The following ST7L variants were observed in gnomAD, a reference collection of about 807,000 sequenced individuals.
ST7L encodes suppression of tumorigenicity 7 like.
Under a neutral mutation model 72.5 loss-of-function variants are expected in ST7L, and 57 were observed. That is an observed-to-expected ratio of 0.79 (90% confidence interval 0.64 to 0.98). The LOEUF is 0.98. Among genes scored for constraint, ST7L ranks in the 50% least tolerant of loss-of-function variants. The probability of loss-of-function intolerance (pLI) is 0.00; values close to 1 mark genes in which losing one functional copy is unlikely to be tolerated. For missense variants in ST7L, 576 were observed against 672.2 expected (o/e 0.86, Z 1.58); for synonymous variants, 221 against 240.9 (o/e 0.92, Z 0.77).
chr1:112,546,244 G>A (rs1657027583), intron 13 of ST7L, among the ~76,000 whole-genome samples: 1 of 148,766 alleles, frequency 6.7e-6, no homozygotes, highest in Non-Finnish European at 1.5e-5. Context: ...TTTTGAGCCT[G>A]AGAAGTCGAA....
chr1:112,612,362 T>C (rs1669203551), intron 2 of ST7L, among the ~76,000 whole-genome samples: 1 of 152,202 alleles, frequency 6.6e-6, no homozygotes, highest in African/African-American at 2.4e-5. Context: ...CCTCACAAAG[T>C]GCTAGGATTA....
At chr1:112,534,482 CT>C (rs1654872416) in intron 14 of ST7L, among the ~76,000 whole-genome samples, 1 of 152,126 alleles carries the variant, frequency 6.6e-6, no homozygotes. Flanking sequence ...AGTATAATCT[CT>C]TTTAAAAAAT....
intron 11 of ST7L, among the ~76,000 whole-genome samples, chr1:112,571,746 T>C (rs1662187967): frequency 6.6e-6 from 1 of 152,198 alleles, no homozygotes; most frequent in Admixed American, 6.5e-5. Flanking sequence ...TAATGAAGCA[T>C]ACTTTATATA....
intron 11 of ST7L, among the ~76,000 whole-genome samples, chr1:112,572,819 GAAGA>G (rs1442927924): frequency 1.3e-5 from 2 of 152,124 alleles, no homozygotes. Context: ...GGGTATATCA[GAAGA>G]AAGACGAAAA....
intron 1 of ST7L, 151 bp from the exon 2 acceptor site, chr1:112,617,046 A>T (rs958541671): frequency 1.4e-5 from 7 of 486,906 alleles, no homozygotes; most frequent in South Asian, 8.3e-5. Context: ...TTGTATATAT[A>T]TTATACATAA....
In ST7L at chr1:112,597,999, G is replaced by A. The variant is rs766728241; in HGVS notation, c.594C>T (p.Asp198=). The change falls in exon 5 of 15, where the codon GAC becomes GAT. Residue 198 remains aspartate, a synonymous_variant. Transcript: ENST00000358039. ...TGTCTGAAGGACGTAAAAAATCTGT[G>A]TCACAGGTGAAAAAGGTCTGATGGT... ...AQDHQTFFTC[D]TDFLRPSDTV... is the part of the protein sequence containing the mutation. The A allele has an allele frequency of 1.2e-6, 2 of 1,613,728 alleles. No individual in the cohort carries two copies. The highest frequency in any genetic ancestry group is 2.2e-5 in the South Asian group (2 of 91,040).
rs1350129229 is a variant in ST7L, at chr1:112,591,528, T to C, written c.698A>G (p.Asn233Ser). Residue 233 changes from asparagine to serine, a missense_variant, in exon 6 of 15, where the codon AAT becomes AGT. Transcript: ENST00000358039. Reference protein sequence around the residue: ...KAAYQALELNNDCATAYVLLA... With the variant: ...KAAYQALELNSDCATAYVLLA... ...TTTCCATATATTTCAAACTTACTCA[T>C]TGTTTAATTCTAAAGCTTGATAGGC... is the stretch of plus-strand genomic sequence containing the variant. 4 of 1,605,890 alleles carry C rather than the reference T, an allele frequency of 2.5e-6. No individual in the cohort carries two copies. In the South Asian group the frequency reaches 3.4e-5, roughly 13 times the overall value.
intron 5 of ST7L, among the ~76,000 whole-genome samples, chr1:112,596,177 A>AT (rs999432470): frequency 1.1e-4 from 16 of 152,026 alleles, no homozygotes; most frequent in African/African-American, 3.4e-4. Context: ...ACATAAATCT[A>AT]TTTTTTTTAC....
intron 10 of ST7L, among the ~76,000 whole-genome samples, chr1:112,577,774 C>A (rs2101835997): frequency 6.6e-6 from 1 of 152,064 alleles, no homozygotes; most frequent in African/African-American, 2.4e-5. Flanking sequence ...ATGGAAAATT[C>A]CATTCTAATT....
At chr1:112,537,242 G>A (rs1398068002) in intron 14 of ST7L, among the ~76,000 whole-genome samples, 1 of 152,026 alleles carries the variant, frequency 6.6e-6, no homozygotes, top group Non-Finnish European at 1.5e-5. Flanking sequence ...CAAGTGATCC[G>A]CAGGCCTCAG....
chr1:112,570,991 G>A (rs1662016265), intron 11 of ST7L, among the ~76,000 whole-genome samples: 1 of 152,138 alleles, frequency 6.6e-6, no homozygotes, highest in African/African-American at 2.4e-5. Flanking sequence ...CCAACATGGT[G>A]AAACCCCATC....
At chr1:112,542,521 G>T (rs949819861) in intron 13 of ST7L, among the ~76,000 whole-genome samples, 5 of 152,226 alleles carry the variant, frequency 3.3e-5, no homozygotes, top group Admixed American at 1.3e-4. Context: ...GCTTTGGGGG[G>T]CCAAAGAGGA....
At chr1:112,574,400 C>G (rs900245093) in intron 11 of ST7L, among the ~76,000 whole-genome samples, 1 of 151,714 alleles carries the variant, frequency 6.6e-6, no homozygotes, top group Admixed American at 6.6e-5. Context: ...TGGCTCACGC[C>G]TGTAATCCCA....
At chr1:112,577,292 G>T (rs184175881) in intron 10 of ST7L, among the ~76,000 whole-genome samples, 1 of 151,176 alleles carries the variant, frequency 6.6e-6, no homozygotes, top group Admixed American at 6.6e-5. Flanking sequence ...ACTTTGGGAG[G>T]CTGAGATAGG....
chr1:112,549,938 T>G (rs1657831127), intron 13 of ST7L, among the ~76,000 whole-genome samples: 1 of 152,224 alleles, frequency 6.6e-6, no homozygotes, highest in Non-Finnish European at 1.5e-5. Context: ...TCAGGGATTT[T>G]TTTTAAATCA....
Position 112,616,415 on chromosome 1 carries a change from T to C in ST7L, c.288+398A>G, listed in dbSNP as rs764604881. Among the ~76,000 whole-genome samples the C allele has an allele frequency of 9.8e-4, 150 of 152,290 alleles. 1 individual carries two copies. Among genetic ancestry groups the C allele is most frequent in the Non-Finnish European group, 2.0e-3 (135 of 68,020 alleles). On this transcript the variant is annotated intron_variant, in intron 2 of 14. Transcript: ENST00000358039. Reference sequence around the variant, plus strand: ...AATACATTTTGGAAATGCTAATCCATAGGTAATAATAATTTATAATTATTA... The same window carrying C: ...AATACATTTTGGAAATGCTAATCCACAGGTAATAATAATTTATAATTATTA...
intron 11 of ST7L, among the ~76,000 whole-genome samples, chr1:112,564,247 A>G (rs1394928674): frequency 6.6e-6 from 1 of 152,218 alleles, no homozygotes; most frequent in Non-Finnish European, 1.5e-5. Context: ...TGGAGAGGGC[A>G]TTGCTACAAG....
At chr1:112,550,151 A>T (rs901281059) in intron 13 of ST7L, among the ~76,000 whole-genome samples, 2 of 152,128 alleles carry the variant, frequency 1.3e-5, no homozygotes, top group African/African-American at 4.8e-5. Context: ...GCCTTTCTAT[A>T]TGTTGCTGGA....
intron 11 of ST7L, among the ~76,000 whole-genome samples, chr1:112,566,743 T>C (rs1403858999): frequency 6.6e-6 from 1 of 152,216 alleles, no homozygotes. Flanking sequence ...AATGGAATCA[T>C]TCAGTAAGTA....
Sources: allele counts gnomAD v4.1 joint callset (sites outside exome capture counted in the v4.1 genomes callset), GRCh38; gene constraint gnomAD v4.1.1; transcripts MANE v1.5; gene names NCBI Gene and HGNC (gene_info 2026-07-23, HGNC 2026-07-21).